The following SNRK variants were observed in gnomAD, a reference collection of about 807,000 sequenced individuals.
SNRK encodes SNF-related serine/threonine-protein kinase.
SNRK carries 3 observed loss-of-function variants against 48.2 expected under a neutral mutation model. The ratio of observed to expected loss-of-function variants is 0.06; its 90% CI spans 0.03 to 0.16. The LOEUF (loss-of-function observed/expected upper bound fraction) is 0.16. Among genes scored for constraint, SNRK ranks in the 10% least tolerant of loss-of-function variants. SNRK has a pLI of 1.00. For missense variants in SNRK, 627 were observed against 976.0 expected, an observed-to-expected ratio of 0.64 and a Z score of 4.76; for synonymous variants, 376 against 366.1, an observed-to-expected ratio of 1.03 and a Z score of -0.31.
At position 43,338,749 on chromosome 3, in the gene SNRK, TTTA is replaced by T. The variant is rs370819499; in HGVS notation, c.732-1535_732-1533del. On this transcript the variant is annotated intron_variant, in intron 4 of 6. Transcript: ENST00000296088. The stretch of plus-strand genomic sequence containing the variant: ...TAATTCTGTGTCTTTTTAAATTTTG[TTTA>T]TTGATTTTGTTTTTAGTTACACTGA... Among the ~76,000 whole-genome samples the T allele has an allele frequency of 1.2e-3, 156 of 129,544 alleles. 1 individual carries two copies. The highest frequency in any genetic ancestry group is 4.6e-3 in the African/African-American group (147 of 32,054). The allele number at this position is 129,544 out of a possible 152,430, so 85.0% of individuals were successfully genotyped here.
At chr3:43,310,610 A>T (rs1284841148) in intron 3 of SNRK, among the ~76,000 whole-genome samples, 3 of 152,140 alleles carry the variant, frequency 2.0e-5, no homozygotes, top group African/African-American at 4.8e-5. Context: ...TCAAGTCCTT[A>T]TGTGTCTAAA....
intron 3 of SNRK, among the ~76,000 whole-genome samples, chr3:43,310,893 T>C (rs2090974416): frequency 6.6e-6 from 1 of 152,180 alleles, no homozygotes; most frequent in Non-Finnish European, 1.5e-5. Flanking sequence ...TTCTGTTTGA[T>C]GAACTTGGTT....
chr3:43,294,336 A>C (rs1243445948), intron 1 of SNRK, among the ~76,000 whole-genome samples: 2 of 152,126 alleles, frequency 1.3e-5, no homozygotes, highest in Non-Finnish European at 2.9e-5. Context: ...GATGGGACCC[A>C]AGTCTAAACA....
In SNRK at chr3:43,332,280, T is replaced by C; in HGVS notation, c.701T>C (p.Val234Ala). The C allele has an allele frequency of 1.3e-6, 2 of 1,577,802 alleles. No homozygotes were observed. The highest frequency in any genetic ancestry group is 1.4e-5 in the African/African-American group (1 of 73,758). Reference protein sequence around the residue: ...LTMIMDCKYTVPSHVSKECKD... With the variant: ...LTMIMDCKYTAPSHVSKECKD... ...ATGATCATGGATTGCAAATATACAG[T>C]ACCATCCCATGTGTCTAAAGAGTGT... Residue 234 changes from valine to alanine, a missense_variant, in exon 4 of 7, where the codon GTA becomes GCA. Physicochemically the swap from Val to Ala is moderately conservative, Grantham distance 64. This residue lies in a region of SNRK where 147 missense variants were observed against 356.8 expected (regional missense o/e 0.41). Transcript: ENST00000296088.
chr3:43,327,054 A>G (rs1419780531), intron 3 of SNRK, among the ~76,000 whole-genome samples: 1 of 152,192 alleles, frequency 6.6e-6, no homozygotes, highest in African/African-American at 2.4e-5. Flanking sequence ...ATGATCTGAC[A>G]GTTTTCTACT....
In SNRK at chr3:43,314,440, T is replaced by G. The variant is rs1406270505; in HGVS notation, c.589+10648T>G. On this transcript the variant is annotated intron_variant, in intron 3 of 6. Coordinates refer to ENST00000296088, the MANE Select transcript of SNRK (RefSeq NM_017719.5). ...TTCTTTATAGCTATTAACTTACTGT[T>G]TCTTATCATTTGTATAATATGCCAG... Among the ~76,000 whole-genome samples the G allele has an allele frequency of 2.0e-5, 3 of 152,240 alleles. No homozygotes were observed. In the South Asian group the frequency reaches 6.2e-4, roughly 31 times the overall value.
At chr3:43,324,376 G>C (rs1166329689) in intron 3 of SNRK, among the ~76,000 whole-genome samples, 2 of 152,186 alleles carry the variant, frequency 1.3e-5, no homozygotes, top group Admixed American at 1.3e-4. Context: ...AGGCCTGGTG[G>C]CACATGCCTG....
chr3:43,333,651 A>G (rs372501399), intron 4 of SNRK, among the ~76,000 whole-genome samples: 2 of 152,130 alleles, frequency 1.3e-5, no homozygotes, highest in African/African-American at 4.8e-5. Flanking sequence ...GATGTTTGTG[A>G]TGCATGTTGT....
chr3:43,349,183 A>G lies in SNRK; in HGVS notation c.*626A>G, dbSNP rs779055322. On this transcript the variant is annotated 3_prime_UTR_variant, in exon 7 of 7. Transcript: ENST00000296088. Reference sequence around the variant, plus strand: ...ACAAAGTTTGGGCTCTGAAAATTTAACTGAAAAAGATTTCCTTGTTTTTGT... The same window carrying G: ...ACAAAGTTTGGGCTCTGAAAATTTAGCTGAAAAAGATTTCCTTGTTTTTGT... 5 of 152,666 alleles carry G rather than the reference A, an allele frequency of 3.3e-5. No individual in the cohort carries two copies. The highest frequency in any genetic ancestry group is 7.3e-5 in the Non-Finnish European group (5 of 68,046). 9.5% of individuals were successfully genotyped at this position (152,666 alleles called of 1,614,324 possible). A position where few individuals can be genotyped will look rare whatever the true frequency, so the allele number is the denominator to read the frequency against.
chr3:43,339,676 T>A (rs1250038368), intron 4 of SNRK, among the ~76,000 whole-genome samples: 1 of 150,552 alleles, frequency 6.6e-6, no homozygotes, highest in Admixed American at 6.6e-5. Flanking sequence ...CTTAGCTGGG[T>A]GTGGTGGCAC....
At chr3:43,332,091 A>T in intron 3 of SNRK, 78 bp from the exon 4 acceptor site, 1 of 1,143,332 alleles carries the variant, frequency 8.7e-7, no homozygotes, top group East Asian at 2.7e-5. Flanking sequence ...TCAAGATAAA[A>T]TAATATTGTT....
intron 3 of SNRK, among the ~76,000 whole-genome samples, chr3:43,321,724 C>G (rs1575546995): frequency 6.6e-6 from 1 of 152,188 alleles, no homozygotes; most frequent in East Asian, 1.9e-4. Context: ...CCTCTCCTTG[C>G]CACCTGAAGT....
intron 2 of SNRK, 64 bp downstream of exon 2, chr3:43,299,879 A>G (rs1477823002): frequency 1.3e-5 from 2 of 152,632 alleles, no homozygotes; most frequent in Admixed American, 6.5e-5. Flanking sequence ...AACATTGGGC[A>G]TTGATGTTCA....
At chr3:43,337,762 A>C (rs2125643490) in intron 4 of SNRK, among the ~76,000 whole-genome samples, 1 of 152,314 alleles carries the variant, frequency 6.6e-6, no homozygotes, top group South Asian at 2.1e-4. Flanking sequence ...AGGAAGGAAA[A>C]GGAACTTAGG....
chr3:43,340,835 G>T (rs57376786), intron 5 of SNRK, among the ~76,000 whole-genome samples: 3,810 of 152,234 alleles, frequency 0.025, 164 homozygotes, highest in African/African-American at 0.085. Context: ...TCTGTCTCCT[G>T]CCGGTCCCCA....
intron 3 of SNRK, among the ~76,000 whole-genome samples, chr3:43,304,417 G>A (rs1002959000): frequency 6.6e-6 from 1 of 152,126 alleles, no homozygotes; most frequent in Admixed American, 6.5e-5. Context: ...CTGTATGGTG[G>A]ATTCTGGAAT....
chr3:43,319,135 G>A (rs562257583), intron 3 of SNRK, among the ~76,000 whole-genome samples: 2 of 152,168 alleles, frequency 1.3e-5, no homozygotes, highest in East Asian at 1.9e-4. Flanking sequence ...GTTAGTGACC[G>A]GTCTCAGTTC....
At chr3:43,321,273 G>A (rs2091051492) in intron 3 of SNRK, among the ~76,000 whole-genome samples, 1 of 152,150 alleles carries the variant, frequency 6.6e-6, no homozygotes. Context: ...AAAGGGGACA[G>A]CTTTTCTTAT....
intron 3 of SNRK, among the ~76,000 whole-genome samples, chr3:43,328,736 C>A (rs2091121853): frequency 6.6e-6 from 1 of 152,156 alleles, no homozygotes; most frequent in African/African-American, 2.4e-5. Context: ...TTTCTTCTCT[C>A]TCCCATCTCA....
Sources: allele counts gnomAD v4.1 joint callset (sites outside exome capture counted in the v4.1 genomes callset), GRCh38; gene constraint gnomAD v4.1.1; regional missense constraint gnomAD v4.1.1; transcripts MANE v1.5; gene names NCBI Gene and HGNC (gene_info 2026-07-23, HGNC 2026-07-21).